The following C14orf39 variants were observed in gnomAD, a reference collection of about 807,000 sequenced individuals.
C14orf39 encodes the protein protein SIX6OS1.
Under a neutral mutation model 85.6 loss-of-function variants are expected in C14orf39, and 66 were observed. The ratio of observed to expected loss-of-function variants is 0.77; its 90% CI spans 0.63 to 0.95. The LOEUF (loss-of-function observed/expected upper bound fraction) is 0.95, where lower values mean the gene tolerates loss of function less well. C14orf39 is among the 40% of genes least tolerant of loss of function. The pLI, the probability that C14orf39 is intolerant of heterozygous loss-of-function variation, is 0.00. For missense variants in C14orf39, 735 were observed against 663.9 expected, an observed-to-expected ratio of 1.11 and a Z score of -1.18; for synonymous variants, 242 against 214.0, an observed-to-expected ratio of 1.13 and a Z score of -1.14.
At chr14:60,497,233 T>C (rs1893080913) in intron 2 of C14orf39, among the ~76,000 whole-genome samples, 1 of 152,228 alleles carries the variant, frequency 6.6e-6, no homozygotes, top group Non-Finnish European at 1.5e-5. Flanking sequence ...TAAACTCAAG[T>C]ATCACAGACT....
intron 3 of C14orf39, 91 bp from the exon 4 acceptor site, chr14:60,483,908 T>C (rs1892761183): frequency 1.2e-6 from 1 of 826,534 alleles, no homozygotes; most frequent in Admixed American, 3.2e-5. Flanking sequence ...GCAGCTTACC[T>C]AAAAGGAAGA....
chr14:60,472,985 C>A (rs1207743850), intron 5 of C14orf39, among the ~76,000 whole-genome samples: 1 of 152,196 alleles, frequency 6.6e-6, no homozygotes, highest in East Asian at 1.9e-4. Flanking sequence ...GCCACACTGA[C>A]TTCCACAATG....
intron 2 of C14orf39, chr14:60,495,250 T>A (rs185964413): frequency 5.6e-4 from 121 of 216,506 alleles, no homozygotes; most frequent in Non-Finnish European, 1.6e-4. Flanking sequence ...CTTGTCAATG[T>A]TCTCCACCAG....
Position 60,468,903 on chromosome 14 carries a change from T to A in C14orf39, c.676-367A>T, listed in dbSNP as rs187327044. On this transcript the variant is annotated intron_variant, in intron 8 of 17. Coordinates refer to ENST00000321731, the MANE Select transcript of C14orf39 (RefSeq NM_174978.3). ...GATATTACTGTTATTTGGTACCTCA[T>A]ACTTAATGAAAGATAAGTATACAGT... 2.5e-4 allele frequency among the ~76,000 whole-genome samples: 38 copies of A among 151,700 alleles called. 1 individual carries two copies. The highest frequency in any genetic ancestry group is 2.2e-3 in the Admixed American group (34 of 15,182).
intron 2 of C14orf39, among the ~76,000 whole-genome samples, chr14:60,492,149 T>C (rs1308159310): frequency 1.3e-5 from 2 of 152,034 alleles, no homozygotes; most frequent in Non-Finnish European, 2.9e-5. Flanking sequence ...AATTTTTTTA[T>C]CCTAAAGTCA....
intron 5 of C14orf39, among the ~76,000 whole-genome samples, chr14:60,476,729 A>C (rs1264210204): frequency 2.0e-5 from 3 of 152,170 alleles, no homozygotes; most frequent in African/African-American, 4.8e-5. Flanking sequence ...ATGCTATAAG[A>C]AGCAGTTATA....
chr14:60,451,184 A>G (rs149636004), intron 16 of C14orf39, among the ~76,000 whole-genome samples: 1,895 of 152,186 alleles, frequency 0.012, 17 homozygotes, highest in Middle Eastern at 0.027. Context: ...AAAAATCAGG[A>G]AACAACAGGT....
chr14:60,510,086 G>A (rs1203451988), intron 1 of C14orf39: 3 of 941,742 alleles, frequency 3.2e-6, no homozygotes, highest in East Asian at 2.6e-5. Flanking sequence ...TTGGGAGCGC[G>A]GTCTGTCTTG....
chr14:60,461,433 T>C, intron 12 of C14orf39, 21 bp from the exon 13 acceptor site: 1 of 1,590,496 alleles, frequency 6.3e-7, no homozygotes, highest in African/African-American at 1.4e-5. Context: ...ATAAATATAA[T>C]TTTTGTATTT....
intron 11 of C14orf39, among the ~76,000 whole-genome samples, chr14:60,465,501 A>G (rs556216054): frequency 1.6e-4 from 24 of 152,180 alleles, no homozygotes; most frequent in Non-Finnish European, 1.0e-4. Flanking sequence ...CTGGCCAAAG[A>G]TACAGTGGAT....
intron 13 of C14orf39, 50 bp downstream of exon 13, chr14:60,461,302 GAT>G (rs1891513061): frequency 6.9e-7 from 1 of 1,456,180 alleles, no homozygotes; most frequent in Non-Finnish European, 9.6e-7. Flanking sequence ...GTAAAAACCT[GAT>G]ATAATTTGTT....
intron 9 of C14orf39, 48 bp downstream of exon 9, chr14:60,468,397 T>C (rs1230850081): frequency 1.7e-6 from 2 of 1,195,950 alleles, no homozygotes; most frequent in South Asian, 1.5e-5. Context: ...AACTTTTAGA[T>C]GCAAAATATC....
At position 60,462,491 on chromosome 14, in the gene C14orf39, C is replaced by T. The variant is rs529127664; in HGVS notation, c.973-898G>A. On this transcript the variant is annotated intron_variant, in intron 11 of 17. Coordinates refer to ENST00000321731, the MANE Select transcript of C14orf39 (RefSeq NM_174978.3). Reference sequence around the variant, plus strand: ...AATCACTCATTTTAAAAAGTCCCTGCTTTTTGTTATTTGACTCAAAATCAA... The same window carrying T: ...AATCACTCATTTTAAAAAGTCCCTGTTTTTTGTTATTTGACTCAAAATCAA... 3.0e-4 allele frequency among the ~76,000 whole-genome samples: 46 copies of T among 152,230 alleles called. 1 individual carries two copies. The South Asian group carries it at 9.5e-3, about 32-fold the overall frequency.
chr14:60,445,615 A>C (rs1042401640), intron 16 of C14orf39, among the ~76,000 whole-genome samples: 2 of 152,170 alleles, frequency 1.3e-5, no homozygotes, highest in Admixed American at 6.5e-5. Context: ...TAATAATGGG[A>C]GACGTTAACA....
At chr14:60,439,299 C>T (rs1595435970) in intron 17 of C14orf39, among the ~76,000 whole-genome samples, 1 of 152,064 alleles carries the variant, frequency 6.6e-6, no homozygotes, top group Middle Eastern at 3.4e-3. Context: ...AGTGACATGG[C>T]CAACATTATG....
intron 16 of C14orf39, among the ~76,000 whole-genome samples, 184 bp from the exon 17 acceptor site, chr14:60,442,315 T>C (rs1890558438): frequency 6.6e-6 from 1 of 152,180 alleles, no homozygotes; most frequent in Non-Finnish European, 1.5e-5. Context: ...TTTACTTATA[T>C]TAAAATAAGG....
chr14:60,474,124 C>T (rs935244721), intron 5 of C14orf39, among the ~76,000 whole-genome samples: 2 of 152,094 alleles, frequency 1.3e-5, no homozygotes, highest in Non-Finnish European at 2.9e-5. Context: ...CTTCATATCC[C>T]TTCTAAGTTG....
chr14:60,488,225 A>T (rs915840120), upstream of C14orf39, among the ~76,000 whole-genome samples: 1 of 152,170 alleles, frequency 6.6e-6, no homozygotes, highest in African/African-American at 2.4e-5. Flanking sequence ...CCTTACTGAG[A>T]TCTGAAAATC....
intron 4 of C14orf39, among the ~76,000 whole-genome samples, chr14:60,481,080 C>T (rs987994190): frequency 7.9e-5 from 12 of 151,868 alleles, no homozygotes; most frequent in South Asian, 4.2e-4. Context: ...ATATATATTT[C>T]GAATATGCTA....
Sources: allele counts gnomAD v4.1 joint callset (sites outside exome capture counted in the v4.1 genomes callset), GRCh38; gene constraint gnomAD v4.1.1; transcripts MANE v1.5; gene names NCBI Gene and HGNC (gene_info 2026-07-23, HGNC 2026-07-21).